ADGRB1: variants seen among roughly 807,000 people sequenced by gnomAD.
The protein encoded by ADGRB1 is adhesion G protein-coupled receptor B1, also known as brain-specific angiogenesis inhibitor 1.
ADGRB1 carries 36 observed loss-of-function variants against 175.7 expected under a neutral mutation model. The observed-to-expected ratio is 0.20, with a 90% CI of 0.16 to 0.27. ADGRB1 has a LOEUF of 0.27. Among genes scored for constraint, ADGRB1 ranks in the 10% least tolerant of loss-of-function variants. The pLI, the probability that ADGRB1 is intolerant of heterozygous loss-of-function variation, is 1.00. For missense variants in ADGRB1, 1,731 were observed against 2,255.3 expected, an observed-to-expected ratio of 0.77 and a Z score of 4.71; for synonymous variants, 1,054 against 979.4, an observed-to-expected ratio of 1.08 and a Z score of -1.42.
intron 1 of ADGRB1, among the ~76,000 whole-genome samples, chr8:142,458,958 G>C (rs1346121598): frequency 6.6e-6 from 1 of 152,226 alleles, no homozygotes; most frequent in Non-Finnish European, 1.5e-5. Flanking sequence ...CTCTGCAAGA[G>C]AGTTGGTGAC....
chr8:142,461,223 C>T (rs1337751115), intron 1 of ADGRB1, among the ~76,000 whole-genome samples: 3 of 152,192 alleles, frequency 2.0e-5, no homozygotes, highest in Non-Finnish European at 4.4e-5. Flanking sequence ...TGCCCAGTAC[C>T]GGCTGTGAGC....
At position 142,492,830 on chromosome 8, in the gene ADGRB1, T is replaced by C. The variant is rs1342876508; in HGVS notation, c.2675+2015T>C. On this transcript the variant is annotated intron_variant, in intron 17 of 30. Coordinates refer to ENST00000517894, the MANE Select transcript of ADGRB1 (RefSeq NM_001702.3). This position sits in a 1 kb window ranked among gnomAD's most constrained non-coding sequence, Gnocchi z 4.4. ...GCTTTGCATTTTCAGGGGGTGGCAG[T>C]GCGGGGGCTGCAGGTGGGTCTCTCA... is the stretch of plus-strand genomic sequence containing the variant. Among the ~76,000 whole-genome samples, 2 of 152,224 alleles carry C rather than the reference T, an allele frequency of 1.3e-5. No individual in the cohort carries two copies. The highest frequency in any genetic ancestry group is 2.9e-5 in the Non-Finnish European group (2 of 67,986).
chr8:142,491,412 G>A (rs559627936), intron 17 of ADGRB1, among the ~76,000 whole-genome samples: 3 of 152,230 alleles, frequency 2.0e-5, no homozygotes, highest in Admixed American at 6.5e-5. Context: ...GTGCCATCTC[G>A]GGGCCCTGGT....
chr8:142,486,911 T>G (rs1257821496), intron 13 of ADGRB1, among the ~76,000 whole-genome samples: 1 of 152,076 alleles, frequency 6.6e-6, no homozygotes, highest in Non-Finnish European at 1.5e-5. Context: ...TCCCTGCTAC[T>G]AGGGAGGCTG....
chr8:142,471,199 T>C (rs752855267), intron 2 of ADGRB1, among the ~76,000 whole-genome samples: 4 of 152,150 alleles, frequency 2.6e-5, no homozygotes, highest in Non-Finnish European at 2.9e-5. Flanking sequence ...AACACCCATT[T>C]CAGATGGGGA....
intron 18 of ADGRB1, among the ~76,000 whole-genome samples, chr8:142,516,642 GGT>G (rs10638916): frequency 0.035 from 4,569 of 129,940 alleles, 118 homozygotes; most frequent in East Asian, 0.084. Flanking sequence ...GCGGGTCCCA[GGT>G]GTGTGTGTGT....
chr8:142,460,471 C>G (rs1563675800), intron 1 of ADGRB1, among the ~76,000 whole-genome samples: 2 of 152,216 alleles, frequency 1.3e-5, no homozygotes, highest in Non-Finnish European at 2.9e-5. Context: ...CGGGGAGCAG[C>G]TCAGTCCGAG....
intron 16 of ADGRB1, among the ~76,000 whole-genome samples, chr8:142,490,086 G>A (rs1841914548): frequency 6.6e-6 from 1 of 152,186 alleles, no homozygotes; most frequent in South Asian, 2.1e-4. Flanking sequence ...GCAGTGCCAG[G>A]CCTCCAGCCC....
At chr8:142,460,048 G>A (rs1839892991) in intron 1 of ADGRB1, among the ~76,000 whole-genome samples, 1 of 152,272 alleles carries the variant, frequency 6.6e-6, no homozygotes, top group Non-Finnish European at 1.5e-5. Flanking sequence ...ATGTGACCTG[G>A]GCTGCAGTGC....
rs886428532 is a variant in ADGRB1, at chr8:142,455,365, C to T, written c.-220+5261C>T. 6.6e-6 allele frequency among the ~76,000 whole-genome samples: 1 copy of T among 152,060 alleles called. No individual in the cohort carries two copies. Among genetic ancestry groups the T allele is most frequent in the African/African-American group, 2.4e-5 (1 of 41,404 alleles). On this transcript the variant is annotated intron_variant, in intron 1 of 30. Transcript: ENST00000517894. This position sits in a 1 kb window ranked among gnomAD's most constrained non-coding sequence, Gnocchi z 4.9. Reference sequence around the variant, plus strand: ...CTTCACTCGCCCCCATGGCTGTCCTCCTGCTTGTGGCGTTCTGTTCTCTCG... The same window carrying T: ...CTTCACTCGCCCCCATGGCTGTCCTTCTGCTTGTGGCGTTCTGTTCTCTCG...
In ADGRB1 at chr8:142,537,046, AG is replaced by A; in HGVS notation, c.3635del (p.Gly1212AlafsTer11). 1 of 1,584,444 alleles carries A rather than the reference AG, an allele frequency of 6.3e-7. No homozygotes were observed. Among genetic ancestry groups the A allele is most frequent in the Non-Finnish European group, 8.6e-7 (1 of 1,165,700 alleles). On this transcript the variant is annotated frameshift_variant, in exon 26 of 31. Coordinates refer to ENST00000517894, the MANE Select transcript of ADGRB1 (RefSeq NM_001702.3). LOFTEE classifies it high-confidence loss of function. The surrounding 1 kb of genome is among the most constrained non-coding windows in gnomAD (Gnocchi z 4.6). ...GGCAGGAGGAGGGCAACGGGGACTC[AG>A]GGGGCTCCTTCCAGAACGGCCACGC... The part of the protein sequence containing the change: ...DRQEEGNGDS[G>X]GSFQNGHAQL...
In ADGRB1 at chr8:142,453,210, T is replaced by A. The variant is rs371170017; in HGVS notation, c.-220+3106T>A. 3.2e-4 allele frequency among the ~76,000 whole-genome samples: 49 copies of A among 152,218 alleles called. No homozygotes were observed. The East Asian group carries it at 6.2e-3, about 19-fold the overall frequency. On this transcript the variant is annotated intron_variant, in intron 1 of 30. Transcript: ENST00000517894. Reference sequence around the variant, plus strand: ...CATGTGTGGCGCGCATGCACGTGCGTGCCCGTCCGGGAGGCTGGGGGCACG... The same window carrying A: ...CATGTGTGGCGCGCATGCACGTGCGAGCCCGTCCGGGAGGCTGGGGGCACG...
chr8:142,541,190 C>T (rs1845250793), intron 27 of ADGRB1, among the ~76,000 whole-genome samples: 1 of 151,974 alleles, frequency 6.6e-6, no homozygotes, highest in Admixed American at 6.6e-5. Context: ...GGGTGGGCAC[C>T]CCTCTGTCAG....
Position 142,542,012 on chromosome 8 carries a change from G to A in ADGRB1, c.3778G>A (p.Glu1260Lys), listed in dbSNP as rs773759723. The A allele has an allele frequency of 2.9e-5, 47 of 1,602,760 alleles. No individual in the cohort carries two copies. The highest frequency in any genetic ancestry group is 4.0e-5 in the African/African-American group (3 of 74,598). Residue 1260 changes from glutamate (E) to lysine (K), a missense_variant, in exon 28 of 31, where the codon GAG becomes AAG. Around this residue, in one of 8 missense-constraint regions of ADGRB1, gnomAD observed 301 missense variants for 488.4 expected, o/e 0.62. Transcript: ENST00000517894. This position sits in a 1 kb window ranked among gnomAD's most constrained non-coding sequence, Gnocchi z 6.3. ...TGTLKRPSLPEEEKLKLAHAK... is the reference protein window; with the variant it reads ...TGTLKRPSLPKEEKLKLAHAK... The stretch of plus-strand genomic sequence containing the variant: ...CACACTGAAGCGGCCGTCTCTGCCC[G>A]AGGAGGAGAAGCTGAAGCTGGCCCA...
At chr8:142,507,292 A>G (rs1328747439) in intron 17 of ADGRB1, among the ~76,000 whole-genome samples, 1 of 152,164 alleles carries the variant, frequency 6.6e-6, no homozygotes, top group Non-Finnish European at 1.5e-5. Flanking sequence ...AGGCCTGTGG[A>G]GCCAGGAGGA....
intron 2 of ADGRB1, among the ~76,000 whole-genome samples, chr8:142,472,393 G>A (rs540125382): frequency 2.6e-5 from 4 of 152,338 alleles, no homozygotes; most frequent in Admixed American, 2.0e-4. Context: ...TTGAGTGGGG[G>A]AAGAAAGGCG....
chr8:142,531,306 A>G (rs1414252307), intron 24 of ADGRB1, among the ~76,000 whole-genome samples: 1 of 152,214 alleles, frequency 6.6e-6, no homozygotes, highest in African/African-American at 2.4e-5. Context: ...ATATTGATGG[A>G]GGGCCTCCTC....
intron 7 of ADGRB1, among the ~76,000 whole-genome samples, 171 bp downstream of exon 7, chr8:142,478,531 G>A (rs1354861090): frequency 6.8e-6 from 1 of 147,780 alleles, no homozygotes; most frequent in Non-Finnish European, 1.5e-5. Context: ...GGAGCATGGG[G>A]TGGCTGCAGG....
intron 2 of ADGRB1, among the ~76,000 whole-genome samples, chr8:142,465,968 G>A (rs1185652391): frequency 6.6e-6 from 1 of 152,176 alleles, no homozygotes; most frequent in Admixed American, 6.5e-5. Flanking sequence ...CAGCGTCCTC[G>A]GGGTAGAGCC....
Sources: gnomAD v4.1 joint callset for allele counts (sites outside exome capture counted in the v4.1 genomes callset) on GRCh38, gnomAD v4.1.1 for gene constraint, gnomAD v4.1.1 regional missense constraint, Gnocchi (gnomAD v3.1) non-coding constraint, MANE v1.5 for transcripts, NCBI Gene and HGNC (gene_info 2026-07-23, HGNC 2026-07-21) for gene names.